The following ZNF365 variants were observed in gnomAD, a reference collection of about 807,000 sequenced individuals.
ZNF365 encodes the protein zinc finger protein 365.
A neutral mutation model predicts 35.0 loss-of-function variants in ZNF365; 22 were observed. The observed-to-expected ratio is 0.63, with a 90% CI of 0.45 to 0.90. The LOEUF (loss-of-function observed/expected upper bound fraction) is 0.90. Among genes scored for constraint, ZNF365 ranks in the 40% least tolerant of loss-of-function variants. The pLI is 0.00. For synonymous variants in ZNF365, 188 were observed against 196.2 expected, an observed-to-expected ratio of 0.96 and a Z score of 0.35; for missense variants, 448 against 500.3, an observed-to-expected ratio of 0.90 and a Z score of 1.00.
chr10:62,388,450 A>G lies in ZNF365; in HGVS notation c.798A>G (p.Gln266=), dbSNP rs751767621. ...AAGCGGCAGCTGAGAAGGAGGTTCA[A>G]GGGAAAGCCCGGCTCCAGGACTTTA... is the stretch of plus-strand genomic sequence containing the variant. The part of the protein sequence containing the change: ...FLEAAAEKEV[Q]GKARLQDFIE... Residue 266 remains glutamine, a synonymous_variant, in exon 3 of 5, where the codon CAA becomes CAG. Coordinates refer to ENST00000395254, the MANE Select transcript of ZNF365 (RefSeq NM_014951.3). 1.9e-6 allele frequency: 3 copies of G among 1,614,252 alleles called. No homozygotes were observed. Among genetic ancestry groups the G allele is most frequent in the South Asian group, 1.1e-5 (1 of 91,090 alleles).
At chr10:62,377,849 T>C (rs1183001738) in intron 2 of ZNF365, among the ~76,000 whole-genome samples, 1 of 152,212 alleles carries the variant, frequency 6.6e-6, no homozygotes, top group Non-Finnish European at 1.5e-5. Context: ...AAAAGGTAGG[T>C]TTCCAAATAA....
chr10:62,388,333 G>A, intron 2 of ZNF365, 63 bp from the exon 3 acceptor site: 1 of 1,587,390 alleles, frequency 6.3e-7, no homozygotes. Context: ...ATAAATATGT[G>A]TTGAATGAGT....
rs936856119 is a variant in ZNF365 at position 62,399,940 on chromosome 10, C to T, written c.*151C>T. 1.0e-4 allele frequency: 137 copies of T among 1,371,706 alleles called. No individual in the cohort carries two copies. The highest frequency in any genetic ancestry group is 9.5e-5 in the Non-Finnish European group (101 of 1,059,358). 85.0% of individuals were successfully genotyped at this position (1,371,706 alleles called of 1,614,324 possible). The stretch of plus-strand genomic sequence containing the variant: ...AGGCAAGCACCTCAATTAACCAGAG[C>T]TTAGCAAATGGGAATCTTAGTGAAC... On this transcript the variant is annotated 3_prime_UTR_variant, in exon 5 of 5. Transcript: ENST00000395254.
At chr10:62,434,958 A>G (rs115513110) in intron 3 of ZNF365, among the ~76,000 whole-genome samples, 1,755 of 152,244 alleles carry the variant, frequency 0.012, 31 homozygotes, top group African/African-American at 0.04. Context: ...ACTGTTTCAG[A>G]CCCTCTGGAT....
intron 3 of ZNF365, among the ~76,000 whole-genome samples, chr10:62,451,067 A>C (rs1187780813): frequency 2.0e-5 from 3 of 152,224 alleles, no homozygotes; most frequent in African/African-American, 7.2e-5. Context: ...CACATGCCCC[A>C]AATGAAACTA....
intron 3 of ZNF365, among the ~76,000 whole-genome samples, chr10:62,410,352 G>A (rs150562148): frequency 2.0e-5 from 3 of 152,222 alleles, no homozygotes; most frequent in Admixed American, 1.3e-4. Flanking sequence ...AGAATGTATA[G>A]AGGAATCTCT....
At chr10:62,392,228 T>C (rs1839643000) in intron 3 of ZNF365, among the ~76,000 whole-genome samples, 1 of 152,244 alleles carries the variant, frequency 6.6e-6, no homozygotes, top group African/African-American at 2.4e-5. Context: ...TTTCTTTTGC[T>C]GTGCAGACTT....
At chr10:62,440,942 C>A (rs1017093183) in intron 3 of ZNF365, among the ~76,000 whole-genome samples, 1 of 152,140 alleles carries the variant, frequency 6.6e-6, no homozygotes, top group Non-Finnish European at 1.5e-5. Flanking sequence ...TGTGATGAGG[C>A]AAATATTTCC....
At chr10:62,446,472 T>G (rs951463887) in intron 3 of ZNF365, among the ~76,000 whole-genome samples, 2 of 152,190 alleles carry the variant, frequency 1.3e-5, no homozygotes, top group African/African-American at 4.8e-5. Flanking sequence ...TAGCATTGTG[T>G]GTGGTGTATC....
intron 4 of ZNF365, among the ~76,000 whole-genome samples, chr10:62,467,649 T>C (rs1254155855): frequency 6.6e-6 from 1 of 152,218 alleles, no homozygotes; most frequent in Non-Finnish European, 1.5e-5. Context: ...TTATATTCCA[T>C]TGTGACCTGG....
At chr10:62,433,166 T>C (rs1840358512) in intron 3 of ZNF365, among the ~76,000 whole-genome samples, 1 of 152,104 alleles carries the variant, frequency 6.6e-6, no homozygotes, top group Non-Finnish European at 1.5e-5. Context: ...GAATAAAAAC[T>C]GAGGTAAAGG....
chr10:62,429,376 A>G (rs1182289468), intron 3 of ZNF365, among the ~76,000 whole-genome samples: 1 of 152,232 alleles, frequency 6.6e-6, no homozygotes, highest in African/African-American at 2.4e-5. Context: ...CAGAATTACT[A>G]TAAGCATAGC....
At chr10:62,434,278 AT>A (rs917367492) in intron 3 of ZNF365, among the ~76,000 whole-genome samples, 311 of 150,288 alleles carry the variant, frequency 2.1e-3, no homozygotes, top group African/African-American at 7.1e-3. Context: ...AGCAAACCTT[AT>A]TTTTTTTTTC....
At position 62,400,159 on chromosome 10, in the gene ZNF365, T is replaced by G; in HGVS notation, c.*370T>G. ...AAAATGTCAGGCCTAGGGAGAAAAT[T>G]CATCTGTGCCCACTGCTCTCCAAAG... On this transcript the variant is annotated 3_prime_UTR_variant, in exon 5 of 5. Coordinates refer to ENST00000395254, the MANE Select transcript of ZNF365 (RefSeq NM_014951.3). 7.8e-6 allele frequency: 8 copies of G among 1,023,396 alleles called. No homozygotes were observed. The highest frequency in any genetic ancestry group is 9.4e-6 in the Non-Finnish European group (8 of 852,290). 63.4% of individuals were successfully genotyped at this position (1,023,396 alleles called of 1,614,324 possible). A position where few individuals can be genotyped will look rare whatever the true frequency, so the allele number is the denominator to read the frequency against.
chr10:62,399,795 T>C lies in ZNF365; in HGVS notation c.*6T>C, dbSNP rs1020194645. ...CCATTGTGAACATCATCTAAAAGGG[T>C]GGGTGGTGCTGGACCAATCATCGCT... On this transcript the variant is annotated 3_prime_UTR_variant, in exon 5 of 5. Coordinates refer to ENST00000395254, the MANE Select transcript of ZNF365 (RefSeq NM_014951.3). 1.2e-6 allele frequency: 2 copies of C among 1,609,882 alleles called. No individual in the cohort carries two copies. The highest frequency in any genetic ancestry group is 2.7e-5 in the African/African-American group (2 of 74,808).
chr10:62,436,430 A>T (rs1487477243), intron 3 of ZNF365, among the ~76,000 whole-genome samples: 1 of 152,222 alleles, frequency 6.6e-6, no homozygotes, highest in African/African-American at 2.4e-5. Flanking sequence ...GCAAAAAAAT[A>T]AATAACAATT....
At chr10:62,409,546 G>A (rs1392881018) in intron 3 of ZNF365, among the ~76,000 whole-genome samples, 2 of 152,100 alleles carry the variant, frequency 1.3e-5, no homozygotes, top group Non-Finnish European at 2.9e-5. Context: ...TTCCAGTTGG[G>A]CTGTAATGAA....
At chr10:62,454,102 C>T (rs1840726022) in intron 3 of ZNF365, among the ~76,000 whole-genome samples, 1 of 152,124 alleles carries the variant, frequency 6.6e-6, no homozygotes, top group Non-Finnish European at 1.5e-5. Context: ...AACTCAGTGT[C>T]TCAGCTTCTT....
intron 3 of ZNF365, among the ~76,000 whole-genome samples, chr10:62,417,721 G>T (rs545726785): frequency 6.2e-4 from 94 of 151,718 alleles, no homozygotes; most frequent in African/African-American, 2.1e-3. Flanking sequence ...TGACATTCCA[G>T]GAATCACCTA....
Sources: allele counts gnomAD v4.1 joint callset (sites outside exome capture counted in the v4.1 genomes callset), GRCh38; gene constraint gnomAD v4.1.1; transcripts MANE v1.5; gene names NCBI Gene and HGNC (gene_info 2026-07-23, HGNC 2026-07-21).